The following SVOP variants were observed in gnomAD, a reference collection of about 807,000 sequenced individuals.
The protein encoded by SVOP is SV2 related protein, also known as synaptic vesicle 2-related protein.
SVOP carries 17 observed loss-of-function variants against 69.1 expected under a neutral mutation model. The ratio of observed to expected loss-of-function variants is 0.25; its 90% CI spans 0.17 to 0.37. The LOEUF (loss-of-function observed/expected upper bound fraction) is 0.37. Ranked by LOEUF, SVOP falls within the 10% of genes least tolerant of loss-of-function variation. The pLI, the probability that SVOP is intolerant of heterozygous loss-of-function variation, is 1.00. For missense variants in SVOP, 435 were observed against 597.5 expected (o/e 0.73, Z 2.84); for synonymous variants, 238 against 238.6 (o/e 1.00, Z 0.02).
At chr12:108,969,449 T>C (rs1381951228) in intron 5 of SVOP, among the ~76,000 whole-genome samples, 1 of 150,526 alleles carries the variant, frequency 6.6e-6, no homozygotes, top group Non-Finnish European at 1.5e-5. Context: ...TGGCACGATC[T>C]CGGCTCCTGA....
chr12:108,912,642 C>T lies in SVOP; in HGVS notation c.1540G>A (p.Gly514Ser), dbSNP rs771709701. Residue 514 changes from glycine to serine, a missense_variant, in exon 16 of 16, where the codon GGC becomes AGC. Gly to Ser is a moderately conservative substitution (Grantham distance 56). Transcript: ENST00000610966. ...TGGCTGGACTCCTGCAGTCCTCGGCCTTTGGTCTCAATGGGCAAAAAGCAG... is the reference window on the plus strand; with the variant it reads ...TGGCTGGACTCCTGCAGTCCTCGGCTTTTGGTCTCAATGGGCAAAAAGCAG... ...ASCFLPIETK[G>S]RGLQESSHRE... The T allele has an allele frequency of 2.5e-6, 4 of 1,613,884 alleles. No homozygotes were observed. The highest frequency in any genetic ancestry group is 1.7e-5 in the Admixed American group (1 of 60,000).
At chr12:108,967,777 G>A (rs933316256) in intron 5 of SVOP, among the ~76,000 whole-genome samples, 6 of 152,144 alleles carry the variant, frequency 3.9e-5, no homozygotes, top group Non-Finnish European at 7.4e-5. Flanking sequence ...CCCCCAACGT[G>A]TGACAATCAA....
chr12:109,002,869 T>C (rs1398352840), intron 1 of SVOP, among the ~76,000 whole-genome samples: 2 of 149,072 alleles, frequency 1.3e-5, no homozygotes, highest in African/African-American at 4.9e-5. Context: ...GATGACAAGT[T>C]AGTGGGTGCA....
chr12:109,005,187 T>A (rs576284833), intron 1 of SVOP, among the ~76,000 whole-genome samples: 1 of 152,138 alleles, frequency 6.6e-6, no homozygotes, highest in East Asian at 1.9e-4. Flanking sequence ...GTCAGAGAGG[T>A]GGTCCATCGG....
chr12:108,924,084 G>A (rs2039766018), intron 11 of SVOP, among the ~76,000 whole-genome samples: 1 of 152,120 alleles, frequency 6.6e-6, no homozygotes, highest in Non-Finnish European at 1.5e-5. Context: ...TCATTAAAGA[G>A]GTTGAAGGGA....
intron 1 of SVOP, among the ~76,000 whole-genome samples, chr12:108,996,599 A>G (rs2040233959): frequency 6.6e-6 from 1 of 151,982 alleles, no homozygotes; most frequent in African/African-American, 2.4e-5. Flanking sequence ...GTGGTTCTGA[A>G]CCAGAGGCCC....
At chr12:108,950,109 G>T (rs1030182653) in intron 6 of SVOP, among the ~76,000 whole-genome samples, 1 of 152,166 alleles carries the variant, frequency 6.6e-6, no homozygotes, top group Admixed American at 6.5e-5. Context: ...TGTCACCCAG[G>T]CTGGAGTGTA....
chr12:108,925,709 T>C (rs2039776188), intron 11 of SVOP, among the ~76,000 whole-genome samples: 1 of 152,182 alleles, frequency 6.6e-6, no homozygotes, highest in South Asian at 2.1e-4. Flanking sequence ...ACTGGTCTCC[T>C]TGCTGTTCCT....
intron 1 of SVOP, among the ~76,000 whole-genome samples, chr12:109,017,522 AT>A (rs948291243): frequency 1.3e-5 from 2 of 152,074 alleles, no homozygotes; most frequent in African/African-American, 4.8e-5. Context: ...TGAGGGACAG[AT>A]TTTTTTAAAA....
At chr12:108,938,081 CTA>C (rs1200139240) in intron 9 of SVOP, among the ~76,000 whole-genome samples, 1 of 152,172 alleles carries the variant, frequency 6.6e-6, no homozygotes, top group Non-Finnish European at 1.5e-5. Context: ...CCCCTGGACT[CTA>C]TGTTGTCAGA....
At chr12:109,019,707 A>G (rs1477876729) in intron 1 of SVOP, among the ~76,000 whole-genome samples, 1 of 152,194 alleles carries the variant, frequency 6.6e-6, no homozygotes, top group Non-Finnish European at 1.5e-5. Context: ...TTGTGGATCA[A>G]TTAGTAAAAC....
chr12:109,020,696 C>A, intron 1 of SVOP, 138 bp downstream of exon 1: 1 of 554,238 alleles, frequency 1.8e-6, no homozygotes, highest in Admixed American at 2.9e-5. Context: ...CTCCTCCAGG[C>A]CCTAATTCCT....
At chr12:108,966,802 A>T (rs2040048290) in intron 5 of SVOP, among the ~76,000 whole-genome samples, 1 of 152,146 alleles carries the variant, frequency 6.6e-6, no homozygotes, top group African/African-American at 2.4e-5. Flanking sequence ...TGTTCAACTA[A>T]TCAACTAAAT....
At chr12:108,919,586 G>T in intron 13 of SVOP, 89 bp downstream of exon 13, 1 of 993,380 alleles carries the variant, frequency 1.0e-6, no homozygotes, top group South Asian at 1.5e-5. Context: ...TTAACACCTG[G>T]CCCGCACATC....
In SVOP at chr12:108,912,197, T is replaced by A; in HGVS notation, c.*338A>T. 1 of 1,171,140 alleles carries A rather than the reference T, an allele frequency of 8.5e-7. No homozygotes were observed. Among genetic ancestry groups the A allele is most frequent in the Non-Finnish European group, 1.1e-6 (1 of 943,586 alleles). The allele number at this position is 1,171,140 out of a possible 1,614,324, so 72.5% of individuals were successfully genotyped here. ...ATCTACAGAGAGATATTTTGGTTGT[T>A]CACTGAGGGTTTGGCCGGGTGACTC... is the stretch of plus-strand genomic sequence containing the variant. On this transcript the variant is annotated 3_prime_UTR_variant, in exon 16 of 16. Coordinates refer to ENST00000610966, the MANE Select transcript of SVOP (RefSeq NM_018711.5).
intron 3 of SVOP, chr12:108,978,301 T>C (rs1333183515): frequency 2.6e-6 from 1 of 382,378 alleles, no homozygotes; most frequent in Non-Finnish European, 4.7e-6. Flanking sequence ...GCTGACATCA[T>C]AATCTCATAG....
intron 12 of SVOP, among the ~76,000 whole-genome samples, chr12:108,922,370 G>A (rs2039754216): frequency 6.6e-6 from 1 of 152,126 alleles, no homozygotes; most frequent in South Asian, 2.1e-4. Context: ...ATCCCCATGG[G>A]ACTTGGGGGC....
intron 7 of SVOP, among the ~76,000 whole-genome samples, chr12:108,942,030 T>C (rs1052429948): frequency 3.3e-5 from 5 of 152,204 alleles, no homozygotes; most frequent in African/African-American, 1.2e-4. Flanking sequence ...TGGCAACCAC[T>C]ATTCTACTTT....
intron 11 of SVOP, among the ~76,000 whole-genome samples, chr12:108,929,129 T>C (rs2039800410): frequency 6.6e-6 from 1 of 152,204 alleles, no homozygotes; most frequent in African/African-American, 2.4e-5. Flanking sequence ...TTCCTTTCCT[T>C]ATGAAGGCTC....
Sources: gnomAD v4.1 joint callset for allele counts (sites outside exome capture counted in the v4.1 genomes callset) on GRCh38, gnomAD v4.1.1 for gene constraint, MANE v1.5 for transcripts, NCBI Gene and HGNC (gene_info 2026-07-23, HGNC 2026-07-21) for gene names.